Variants in ATP6V0D2 observed in about 807,000 individuals in gnomAD.
ATP6V0D2 encodes the protein V-type proton ATPase subunit d 2.
ATP6V0D2 carries 40 observed loss-of-function variants against 40.0 expected under a neutral mutation model. That is an observed-to-expected ratio of 1.00 (90% CI 0.78 to 1.30). ATP6V0D2 has a LOEUF of 1.30. Among genes scored for constraint, ATP6V0D2 ranks in the 50% most tolerant of loss-of-function variants. The pLI is 0.00. For missense variants in ATP6V0D2, 470 were observed against 423.1 expected, an observed-to-expected ratio of 1.11 and a Z score of -0.97; for synonymous variants, 179 against 156.3, an observed-to-expected ratio of 1.15 and a Z score of -1.08.
chr8:86,133,594 T>C (rs1383754329), intron 2 of ATP6V0D2, among the ~76,000 whole-genome samples: 1 of 151,960 alleles, frequency 6.6e-6, no homozygotes, highest in African/African-American at 2.4e-5. Context: ...GTGCTGGGAT[T>C]ACAGGCGTGA....
chr8:86,139,572 G>T lies in ATP6V0D2; in HGVS notation c.418G>T (p.Ala140Ser). The change falls in exon 3 of 8, where the codon GCT (alanine) becomes TCT (serine). Residue 140 changes from alanine (A) to serine (S), a missense_variant. Ala to Ser is a moderately conservative substitution (Grantham distance 99). Coordinates refer to ENST00000285393, the MANE Select transcript of ATP6V0D2 (RefSeq NM_152565.1). ...HPLGRFTEME[A>S]VNIAETPSDL... is the part of the protein sequence containing the mutation. ...CTTGGGCCGTTTCACAGAAATGGAA[G>T]CTGTCAACATTGCAGAGACACCTTC... The T allele has an allele frequency of 6.2e-7, 1 of 1,613,700 alleles. No homozygotes were observed. Among genetic ancestry groups the T allele is most frequent in the Non-Finnish European group, 8.5e-7 (1 of 1,179,810 alleles).
Position 86,141,482 on chromosome 8 carries a change from G to A in ATP6V0D2, c.514G>A (p.Ala172Thr). 1.2e-6 allele frequency: 2 copies of A among 1,610,556 alleles called. No homozygotes were observed. The highest frequency in any genetic ancestry group is 1.7e-6 in the Non-Finnish European group (2 of 1,178,124). The change falls in exon 4 of 8, where the codon GCT (alanine) becomes ACT (threonine). Residue 172 changes from alanine (A) to threonine (T), a missense_variant. Transcript: ENST00000285393. Reference sequence around the variant, plus strand: ...CTTCCAAGACTGCATGTCTGAAAATGCTCTAGATGAACTGAATATTGAATT... The same window carrying A: ...CTTCCAAGACTGCATGTCTGAAAATACTCTAGATGAACTGAATATTGAATT... ...PFFQDCMSEN[A>T]LDELNIELLR...
rs1819178056 is a variant in ATP6V0D2, at chr8:86,152,983, G to T, written c.*6G>T. The T allele has an allele frequency of 6.3e-7, 1 of 1,578,756 alleles. No homozygotes were observed. Among genetic ancestry groups the T allele is most frequent in the Non-Finnish European group, 8.6e-7 (1 of 1,167,142 alleles). On this transcript the variant is annotated 3_prime_UTR_variant, in exon 8 of 8. Transcript: ENST00000285393. ...GTTACATTCCAATTTTATAACCCAAGTAAGGTTCTCAAATGTAGAAAATTA... is the reference window on the plus strand; with the variant it reads ...GTTACATTCCAATTTTATAACCCAATTAAGGTTCTCAAATGTAGAAAATTA...
At chr8:86,147,827 C>T (rs1035398660) in intron 5 of ATP6V0D2, among the ~76,000 whole-genome samples, 1 of 152,100 alleles carries the variant, frequency 6.6e-6, no homozygotes, top group African/African-American at 2.4e-5. Flanking sequence ...AGCACATGCA[C>T]GGTAGGCTAA....
At chr8:86,103,281 C>T (rs1818427492) in intron 1 of ATP6V0D2, among the ~76,000 whole-genome samples, 1 of 150,454 alleles carries the variant, frequency 6.6e-6, no homozygotes, top group Non-Finnish European at 1.5e-5. Context: ...CCATGCCTGG[C>T]TAGTTTTGTA....
At chr8:86,134,161 G>A (rs1818865537) in intron 2 of ATP6V0D2, among the ~76,000 whole-genome samples, 1 of 152,010 alleles carries the variant, frequency 6.6e-6, no homozygotes, top group South Asian at 2.1e-4. Flanking sequence ...AGCAAGCGGT[G>A]TAGTATTTTT....
chr8:86,118,366 G>T (rs1189366190), intron 2 of ATP6V0D2, among the ~76,000 whole-genome samples: 3 of 151,642 alleles, frequency 2.0e-5, no homozygotes, highest in African/African-American at 7.3e-5. Flanking sequence ...GAGCCACCGC[G>T]CCTGTCCGCA....
At position 86,115,358 on chromosome 8, in the gene ATP6V0D2, A is replaced by ATTTTTTTT. The variant is rs564384965; in HGVS notation, c.302+1499_302+1506dup. 6.2e-3 allele frequency among the ~76,000 whole-genome samples: 458 copies of ATTTTTTTT among 73,286 alleles called. 54 individuals carry two copies. The highest frequency in any genetic ancestry group is 0.023 in the African/African-American group (413 of 17,872). The allele number at this position is 73,286 out of a possible 152,430, so 48.1% of individuals were successfully genotyped here. ...CTTTCTTTGTCCTTCCGTATCATCC[A>ATTTTTTTT]TTTTTTTTTTTTTTTTTTTTTTTTT... On this transcript the variant is annotated intron_variant, in intron 2 of 7. Coordinates refer to ENST00000285393, the MANE Select transcript of ATP6V0D2 (RefSeq NM_152565.1).
intron 4 of ATP6V0D2, 51 bp downstream of exon 4, chr8:86,141,580 G>A (rs1818974157): frequency 1.5e-6 from 2 of 1,326,740 alleles, no homozygotes; most frequent in East Asian, 2.4e-5. Context: ...AATGTATTGT[G>A]ACTAGAGTTC....
chr8:86,145,235 G>GAAAGAAAGAAAGAA (rs1299284800), intron 5 of ATP6V0D2, among the ~76,000 whole-genome samples: 59 of 42,804 alleles, frequency 1.4e-3, no homozygotes, highest in East Asian at 1.9e-3. Context: ...AAGAAAGAAA[G>GAAAGAAAGAAAGAA]AGAGAGAGAG....
chr8:86,139,315 C>T, intron 2 of ATP6V0D2, 142 bp from the exon 3 acceptor site: 1 of 586,784 alleles, frequency 1.7e-6, no homozygotes, highest in Non-Finnish European at 2.8e-6. Context: ...ATCTCCTAAA[C>T]CCCAGTGTTT....
chr8:86,143,048 T>G, intron 5 of ATP6V0D2, 94 bp downstream of exon 5: 1 of 828,054 alleles, frequency 1.2e-6, no homozygotes, highest in Non-Finnish European at 1.9e-6. Context: ...TCTTTGAATT[T>G]TTTTTTAATC....
At chr8:86,116,189 C>T (rs927808508) in intron 2 of ATP6V0D2, among the ~76,000 whole-genome samples, 4 of 152,188 alleles carry the variant, frequency 2.6e-5, no homozygotes, top group African/African-American at 7.2e-5. Context: ...CACTCAGTTT[C>T]TCTTCCAAAA....
intron 2 of ATP6V0D2, among the ~76,000 whole-genome samples, chr8:86,118,019 TTTC>T (rs1352260771): frequency 1.6e-5 from 2 of 126,922 alleles, no homozygotes; most frequent in Admixed American, 1.4e-4. Flanking sequence ...TCTTTCTTTC[TTTC>T]TTTCTTTTTT....
chr8:86,102,083 C>T (rs1305987340), intron 1 of ATP6V0D2, among the ~76,000 whole-genome samples: 2 of 152,198 alleles, frequency 1.3e-5, no homozygotes, highest in Non-Finnish European at 2.9e-5. Context: ...ATGGATAGAG[C>T]TATCTGTGTC....
intron 2 of ATP6V0D2, among the ~76,000 whole-genome samples, chr8:86,120,574 A>C (rs1020418160): frequency 3.9e-5 from 6 of 152,138 alleles, no homozygotes; most frequent in African/African-American, 1.4e-4. Flanking sequence ...ATAAATTAAA[A>C]AAATTTTTTG....
intron 2 of ATP6V0D2, among the ~76,000 whole-genome samples, chr8:86,131,430 A>T (rs185480578): frequency 9.1e-4 from 138 of 151,936 alleles, no homozygotes; most frequent in African/African-American, 3.0e-3. Flanking sequence ...CGATCTCTTG[A>T]CCTCAAGATC....
intron 1 of ATP6V0D2, among the ~76,000 whole-genome samples, chr8:86,100,076 C>T (rs1185608962): frequency 1.3e-5 from 2 of 151,662 alleles, no homozygotes; most frequent in Admixed American, 6.6e-5. Flanking sequence ...ACTGGTGGGG[C>T]CAGCCCTGGA....
intron 2 of ATP6V0D2, among the ~76,000 whole-genome samples, chr8:86,120,135 T>C (rs955792239): frequency 1.3e-5 from 2 of 152,156 alleles, no homozygotes; most frequent in Non-Finnish European, 2.9e-5. Context: ...CAGTAGCTCA[T>C]GTCTGTAATC....
Sources: allele counts gnomAD v4.1 joint callset (sites outside exome capture counted in the v4.1 genomes callset), GRCh38; gene constraint gnomAD v4.1.1; transcripts MANE v1.5; gene names NCBI Gene and HGNC (gene_info 2026-07-23, HGNC 2026-07-21).